LRP6: variants seen among roughly 807,000 people sequenced by gnomAD.
LRP6 encodes the protein LDL receptor related protein 6, also known as low-density lipoprotein receptor-related protein 6.
In LRP6, 43 loss-of-function variants were observed where a neutral mutation model predicts 184.1. The ratio of observed to expected loss-of-function variants is 0.23; its 90% CI spans 0.18 to 0.30. The LOEUF is 0.30. Ranked by LOEUF, LRP6 falls within the 10% of genes least tolerant of loss-of-function variation. The pLI is 1.00. For missense variants in LRP6, 1,571 were observed against 2,005.3 expected (o/e 0.78, Z 4.14); for synonymous variants, 719 against 684.9 (o/e 1.05, Z -0.78).
intron 7 of LRP6, among the ~76,000 whole-genome samples, chr12:12,179,116 A>G (rs949891097): frequency 1.3e-5 from 2 of 152,186 alleles, no homozygotes; most frequent in African/African-American, 4.8e-5. Flanking sequence ...CTTAACACCA[A>G]TATCAGGGAT....
chr12:12,251,170 T>A (rs577456231), intron 1 of LRP6, among the ~76,000 whole-genome samples: 1 of 152,088 alleles, frequency 6.6e-6, no homozygotes, highest in Admixed American at 6.6e-5. Context: ...TGACCTCAAG[T>A]GATTCGCCCA....
intron 3 of LRP6, among the ~76,000 whole-genome samples, chr12:12,188,329 G>A (rs760487968): frequency 6.6e-6 from 1 of 151,986 alleles, no homozygotes; most frequent in Non-Finnish European, 1.5e-5. Context: ...ATAAATCCAA[G>A]TTTCCCAATA....
Position 12,121,306 on chromosome 12 carries a change from C to G in LRP6, c.4662G>C (p.Lys1554Asn), listed in dbSNP as rs1949601658. The G allele has an allele frequency of 6.2e-7, 1 of 1,613,998 alleles. No homozygotes were observed. The highest frequency in any genetic ancestry group is 8.5e-7 in the Non-Finnish European group (1 of 1,180,040). The change falls in exon 23 of 23, where the codon AAG becomes AAC. Residue 1554 changes from lysine (K) to asparagine (N), a missense_variant. By Grantham distance (94) the Lys-to-Asn change is moderately conservative. Coordinates refer to ENST00000261349, the MANE Select transcript of LRP6 (RefSeq NM_002336.3). ...SRRMTSVATAKGYTSDLNYDS... is the reference protein window; with the variant it reads ...SRRMTSVATANGYTSDLNYDS... Reference sequence around the variant, plus strand: ...CATAGTTCAAGTCACTGGTATAGCCCTTGGCTGTTGCCACTGAGGTCATTC... The same window carrying G: ...CATAGTTCAAGTCACTGGTATAGCCGTTGGCTGTTGCCACTGAGGTCATTC...
chr12:12,171,430 G>A (rs1372806270), intron 7 of LRP6, among the ~76,000 whole-genome samples: 1 of 152,090 alleles, frequency 6.6e-6, no homozygotes, highest in Admixed American at 6.5e-5. Context: ...GTTGAGGCAG[G>A]AGGATGGCGT....
intron 15 of LRP6, among the ~76,000 whole-genome samples, chr12:12,146,957 C>G (rs1468473973): frequency 6.6e-6 from 1 of 152,118 alleles, no homozygotes; most frequent in East Asian, 1.9e-4. Context: ...TCGAGACCAT[C>G]CTGGCTAACA....
Position 12,266,929 on chromosome 12 carries a change from C to T in LRP6, c.-194G>A. ...GCCCTCTCTACCGCGCCGCTCGGCC[C>T]CGGGCTCGCGCGACGCCAGCGTCTG... On this transcript the variant is annotated 5_prime_UTR_variant, in exon 1 of 23. Coordinates refer to ENST00000261349, the MANE Select transcript of LRP6 (RefSeq NM_002336.3). The T allele has an allele frequency of 1.7e-6, 1 of 593,376 alleles. No individual in the cohort carries two copies. The highest frequency in any genetic ancestry group is 3.0e-6 in the Non-Finnish European group (1 of 337,040). The allele number at this position is 593,376 out of a possible 1,614,324, so 36.8% of individuals were successfully genotyped here.
At chr12:12,217,659 G>A (rs1187877623) in intron 2 of LRP6, among the ~76,000 whole-genome samples, 2 of 152,040 alleles carry the variant, frequency 1.3e-5, no homozygotes, top group African/African-American at 4.8e-5. Context: ...CAGTAATCAA[G>A]ACAGTGTGAT....
Position 12,237,133 on chromosome 12 carries a change from G to A in LRP6, c.449+7129C>T, listed in dbSNP as rs1196523061. The stretch of plus-strand genomic sequence containing the variant: ...CCCAGGAAATTCCAAGGGATTAGGA[G>A]TTCCATGTCAGGCACTGGAATCAAA... On this transcript the variant is annotated intron_variant, in intron 2 of 22. Transcript: ENST00000261349. 3.9e-5 allele frequency among the ~76,000 whole-genome samples: 6 copies of A among 152,146 alleles called. No homozygotes were observed. In the East Asian group the frequency reaches 1.2e-3, roughly 29 times the overall value.
chr12:12,176,494 G>A (rs1863186973), intron 7 of LRP6, among the ~76,000 whole-genome samples: 1 of 152,088 alleles, frequency 6.6e-6, no homozygotes, highest in Non-Finnish European at 1.5e-5. Context: ...CCTTCCCGAA[G>A]CTTATTATAA....
At position 12,155,809 on chromosome 12, in the gene LRP6, A is replaced by G. The variant is rs966653141; in HGVS notation, c.2791+3020T>C. Reference sequence around the variant, plus strand: ...AAAATAAAAGACTTCTGGACTGTTAAAAAAAAAAAAAAGGTTAAATAATTT... The same window carrying G: ...AAAATAAAAGACTTCTGGACTGTTAGAAAAAAAAAAAAGGTTAAATAATTT... On this transcript the variant is annotated intron_variant, in intron 12 of 22. Transcript: ENST00000261349. 4.0e-5 allele frequency: 12 copies of G among 297,194 alleles called. No individual in the cohort carries two copies. In the African/African-American group the frequency reaches 5.1e-4, roughly 13 times the overall value. 18.4% of individuals were successfully genotyped at this position (297,194 alleles called of 1,614,324 possible).
At chr12:12,174,049 T>C (rs755147771) in intron 7 of LRP6, among the ~76,000 whole-genome samples, 1 of 152,124 alleles carries the variant, frequency 6.6e-6, no homozygotes, top group Non-Finnish European at 1.5e-5. Context: ...GTAGCACAAA[T>C]GGGCAAATAT....
intron 1 of LRP6, among the ~76,000 whole-genome samples, chr12:12,262,936 C>G (rs1179225922): frequency 6.6e-6 from 1 of 152,046 alleles, no homozygotes; most frequent in East Asian, 1.9e-4. Context: ...CTCAAACGAC[C>G]AAGATCCCTT....
intron 19 of LRP6, among the ~76,000 whole-genome samples, chr12:12,128,218 C>T (rs977958523): frequency 3.3e-5 from 5 of 152,150 alleles, no homozygotes; most frequent in African/African-American, 1.2e-4. Flanking sequence ...CTGCTGGCTC[C>T]TGTCTTCTCT....
intron 2 of LRP6, among the ~76,000 whole-genome samples, chr12:12,227,027 T>C (rs1421883072): frequency 2.0e-5 from 3 of 151,666 alleles, no homozygotes; most frequent in African/African-American, 4.8e-5. Flanking sequence ...ATGAAAAAAA[T>C]AAATAAATCT....
intron 2 of LRP6, among the ~76,000 whole-genome samples, chr12:12,219,153 G>A (rs1179816975): frequency 6.6e-6 from 1 of 152,016 alleles, no homozygotes; most frequent in African/African-American, 2.4e-5. Context: ...ATTACTTGTA[G>A]GGCCCACTTT....
intron 3 of LRP6, among the ~76,000 whole-genome samples, chr12:12,193,760 C>T (rs774148913): frequency 1.2e-4 from 19 of 152,040 alleles, no homozygotes; most frequent in Non-Finnish European, 2.5e-4. Context: ...AAAAAGAAAT[C>T]CCCATGCCCA....
chr12:12,142,262 A>G (rs1949945116), intron 15 of LRP6, among the ~76,000 whole-genome samples: 1 of 152,160 alleles, frequency 6.6e-6, no homozygotes, highest in African/African-American at 2.4e-5. Flanking sequence ...ATGATTTTTA[A>G]AGATTAGCTG....
chr12:12,183,894 A>T, intron 5 of LRP6, 86 bp downstream of exon 5: 1 of 1,255,862 alleles, frequency 8.0e-7, no homozygotes, highest in Non-Finnish European at 1.2e-6. Flanking sequence ...AAAGCAGTAT[A>T]ACCTAGAGAG....
Position 12,163,378 on chromosome 12 carries a change from A to G in LRP6, c.2052+895T>C, listed in dbSNP as rs575548454. 2.0e-5 allele frequency among the ~76,000 whole-genome samples: 3 copies of G among 152,342 alleles called. No individual in the cohort carries two copies. The South Asian group carries it at 6.2e-4, about 32-fold the overall frequency. On this transcript the variant is annotated intron_variant, in intron 9 of 22. Coordinates refer to ENST00000261349, the MANE Select transcript of LRP6 (RefSeq NM_002336.3). Reference sequence around the variant, plus strand: ...TTAATAAATTTAACTGAACACCATTAGAATCCAACTCTGACTCCAACACCC... The same window carrying G: ...TTAATAAATTTAACTGAACACCATTGGAATCCAACTCTGACTCCAACACCC...
Sources: gnomAD v4.1 joint callset for allele counts (sites outside exome capture counted in the v4.1 genomes callset) on GRCh38, gnomAD v4.1.1 for gene constraint, MANE v1.5 for transcripts, NCBI Gene and HGNC (gene_info 2026-07-23, HGNC 2026-07-21) for gene names.